Variants in GRIK2 observed in about 807,000 individuals in gnomAD.
GRIK2 encodes glutamate receptor ionotropic, kainate 2.
A neutral mutation model predicts 100.3 loss-of-function variants in GRIK2; 32 were observed. That is an observed-to-expected ratio of 0.32 (90% CI 0.24 to 0.43). The LOEUF is 0.43. Ranked by LOEUF, GRIK2 falls within the 20% of genes least tolerant of loss-of-function variation. The pLI is 1.00. For missense variants in GRIK2, 843 were observed against 1,114.9 expected, an observed-to-expected ratio of 0.76 and a Z score of 3.47; for synonymous variants, 417 against 389.4, an observed-to-expected ratio of 1.07 and a Z score of -0.83.
At chr6:101,919,933 AAAAG>A (rs1273485035) in intron 12 of GRIK2, among the ~76,000 whole-genome samples, 2 of 151,944 alleles carry the variant, frequency 1.3e-5, no homozygotes, top group African/African-American at 4.8e-5. Context: ...CAGAATTTGA[AAAAG>A]AAAGAGAGAA....
chr6:102,045,621 AC>A (rs552899283), intron 15 of GRIK2, among the ~76,000 whole-genome samples: 52 of 152,194 alleles, frequency 3.4e-4, no homozygotes, highest in African/African-American at 1.3e-3. Context: ...CTAAAGACAT[AC>A]CTAATAAATA....
At chr6:101,700,864 C>G (rs911183491) in intron 7 of GRIK2, among the ~76,000 whole-genome samples, 3 of 151,976 alleles carry the variant, frequency 2.0e-5, no homozygotes, top group Non-Finnish European at 4.4e-5. Flanking sequence ...CCAGGGGGCT[C>G]AAAGGAATGA....
intron 12 of GRIK2, among the ~76,000 whole-genome samples, chr6:101,901,527 T>A (rs186991398): frequency 2.8e-4 from 43 of 151,906 alleles, no homozygotes; most frequent in Admixed American, 9.8e-4. Flanking sequence ...AAAATAATAA[T>A]CTCATAACAA....
At chr6:101,855,822 T>A (rs897775817) in intron 10 of GRIK2, among the ~76,000 whole-genome samples, 1 of 944 alleles carries the variant, frequency 1.1e-3, no homozygotes, top group African/African-American at 8.9e-3. Flanking sequence ...GAGAATGGAC[T>A]GAGGGGGGGC....
chr6:101,664,403 C>G (rs534220680), intron 4 of GRIK2, among the ~76,000 whole-genome samples: 2 of 152,132 alleles, frequency 1.3e-5, no homozygotes, highest in Admixed American at 1.3e-4. Flanking sequence ...ATTTCTCTCA[C>G]GATTGAGATG....
At chr6:101,865,308 T>A (rs1784982249) in intron 11 of GRIK2, among the ~76,000 whole-genome samples, 1 of 152,218 alleles carries the variant, frequency 6.6e-6, no homozygotes, top group Non-Finnish European at 1.5e-5. Flanking sequence ...AATTGGTATT[T>A]AATATTATCA....
intron 4 of GRIK2, among the ~76,000 whole-genome samples, chr6:101,656,164 G>A (rs1386730407): frequency 2.6e-5 from 4 of 151,894 alleles, no homozygotes; most frequent in African/African-American, 9.7e-5. Context: ...TTAGCTGGGT[G>A]TGGTGGCAGG....
intron 7 of GRIK2, among the ~76,000 whole-genome samples, chr6:101,749,825 T>G (rs201515134): frequency 0.028 from 3,908 of 137,780 alleles, 57 homozygotes; most frequent in African/African-American, 0.079. Context: ...TTTTTTTTTT[T>G]TGTGTGAGAC....
chr6:102,057,751 T>C (rs1271717780), intron 16 of GRIK2, among the ~76,000 whole-genome samples: 2 of 151,824 alleles, frequency 1.3e-5, no homozygotes, highest in African/African-American at 2.4e-5. Flanking sequence ...TCCTCTCCAA[T>C]TTGCACCTTT....
intron 4 of GRIK2, among the ~76,000 whole-genome samples, chr6:101,666,194 G>A (rs1582921876): frequency 2.6e-5 from 4 of 152,180 alleles, no homozygotes; most frequent in South Asian, 2.1e-4. Context: ...GCAAAACAAT[G>A]TAGGTTAAAA....
chr6:101,440,890 GT>G (rs71547429), intron 2 of GRIK2, among the ~76,000 whole-genome samples: 49,926 of 139,616 alleles, frequency 0.36, 8,515 homozygotes, highest in Middle Eastern at 0.41. Flanking sequence ...ATGCTTTTTT[GT>G]TTTTTTTTTT....
At chr6:102,065,491 T>A (rs1008283377) in intron 16 of GRIK2, among the ~76,000 whole-genome samples, 16 of 150,192 alleles carry the variant, frequency 1.1e-4, no homozygotes, top group African/African-American at 3.9e-4. Flanking sequence ...TGTATGCACA[T>A]GTGTAAGATT....
intron 2 of GRIK2, among the ~76,000 whole-genome samples, chr6:101,601,337 A>G (rs372955554): frequency 4.6e-5 from 7 of 151,984 alleles, no homozygotes; most frequent in South Asian, 4.1e-4. Flanking sequence ...TCAGTTTGCT[A>G]GTATTTTGCA....
At chr6:101,479,360 A>AT (rs1337753647) in intron 2 of GRIK2, among the ~76,000 whole-genome samples, 5 of 152,046 alleles carry the variant, frequency 3.3e-5, no homozygotes, top group Non-Finnish European at 7.4e-5. Context: ...GTGAGGGAGA[A>AT]TTTTTTTACT....
chr6:101,918,965 A>G (rs1384168287), intron 12 of GRIK2, among the ~76,000 whole-genome samples: 2 of 151,792 alleles, frequency 1.3e-5, no homozygotes, highest in Middle Eastern at 3.2e-3. Flanking sequence ...AGAAAGGAGT[A>G]GCATAGAAGC....
chr6:101,564,114 A>G (rs774085538), intron 2 of GRIK2, among the ~76,000 whole-genome samples: 4 of 152,220 alleles, frequency 2.6e-5, no homozygotes, highest in Non-Finnish European at 5.9e-5. Context: ...GCTAATTGCT[A>G]GAAGTCATGT....
rs1772157554 is a variant in GRIK2 at position 102,069,265 on chromosome 6, C to T, written c.*754C>T. On this transcript the variant is annotated 3_prime_UTR_variant, in exon 17 of 17. Coordinates refer to ENST00000369134, the MANE Select transcript of GRIK2 (RefSeq NM_021956.5). The stretch of plus-strand genomic sequence containing the variant: ...TTCTACCAGATCCCTTCCTATTCCC[C>T]CAACACCTTTTCTCTAACCCCCATA... 2.0e-5 allele frequency: 3 copies of T among 146,988 alleles called. No individual in the cohort carries two copies. Among genetic ancestry groups the T allele is most frequent in the Non-Finnish European group, 4.5e-5 (3 of 66,972 alleles). 9.1% of individuals were successfully genotyped at this position (146,988 alleles called of 1,614,324 possible).
intron 15 of GRIK2, among the ~76,000 whole-genome samples, chr6:102,038,243 C>T (rs2114438882): frequency 6.6e-6 from 1 of 151,494 alleles, no homozygotes; most frequent in Non-Finnish European, 1.5e-5. Context: ...AAATCAGGCA[C>T]ACTCTTAAAG....
chr6:101,804,938 T>A (rs189250001), intron 9 of GRIK2, among the ~76,000 whole-genome samples: 4 of 152,038 alleles, frequency 2.6e-5, no homozygotes, highest in African/African-American at 4.8e-5. Context: ...CATTTTAAAT[T>A]TAGTAGAATA....
Sources: allele counts gnomAD v4.1 joint callset (sites outside exome capture counted in the v4.1 genomes callset), GRCh38; gene constraint gnomAD v4.1.1; transcripts MANE v1.5; gene names NCBI Gene and HGNC (gene_info 2026-07-23, HGNC 2026-07-21).